ARHGAP35: variants seen among roughly 807,000 people sequenced by gnomAD.
The protein encoded by ARHGAP35 is rho GTPase-activating protein 35.
In ARHGAP35, 15 loss-of-function variants were observed where a neutral mutation model predicts 111.1. The observed-to-expected ratio is 0.13, with a 90% CI of 0.09 to 0.21. The LOEUF (loss-of-function observed/expected upper bound fraction) is 0.21. ARHGAP35 is among the 10% of genes least tolerant of loss of function. The pLI is 1.00. For missense variants in ARHGAP35, 1,262 were observed against 1,873.0 expected (o/e 0.67, Z 6.02); for synonymous variants, 643 against 710.3 (o/e 0.91, Z 1.51).
chr19:46,882,477 TTTTA>T (rs1034754887), intron 1 of ARHGAP35, among the ~76,000 whole-genome samples: 6 of 152,092 alleles, frequency 3.9e-5, no homozygotes, highest in African/African-American at 1.2e-4. Context: ...TTTCACTTTA[TTTTA>T]TTTATTTATT....
chr19:46,942,188 C>T (rs1219318278), intron 3 of ARHGAP35, among the ~76,000 whole-genome samples: 5 of 152,152 alleles, frequency 3.3e-5, no homozygotes, highest in African/African-American at 7.2e-5. Context: ...CTCAAAGATT[C>T]GTGATCTGCT....
In ARHGAP35 at chr19:46,955,998, C is replaced by G. The variant is rs532956753; in HGVS notation, c.3826+18590C>G. ...CACCAACATGATTCCCCACCTGACC[C>G]CATGTGGTCACAGTCAAAACTTTGT... On this transcript the variant is annotated intron_variant, in intron 3 of 6. Coordinates refer to ENST00000672722, the MANE Select transcript of ARHGAP35 (RefSeq NM_004491.5). 2.0e-5 allele frequency among the ~76,000 whole-genome samples: 3 copies of G among 152,304 alleles called. No individual in the cohort carries two copies. In the East Asian group the frequency reaches 5.8e-4, roughly 29 times the overall value.
intron 1 of ARHGAP35, among the ~76,000 whole-genome samples, chr19:46,868,513 C>T (rs868067844): frequency 5.3e-5 from 8 of 152,148 alleles, no homozygotes; most frequent in African/African-American, 9.7e-5. Context: ...GGTTCCATAT[C>T]ACAGTATTTT....
At position 46,921,572 on chromosome 19, in the gene ARHGAP35, A is replaced by G; in HGVS notation, c.2897A>G (p.Glu966Gly). 3 of 1,613,950 alleles carry G rather than the reference A, an allele frequency of 1.9e-6. No homozygotes were observed. The highest frequency in any genetic ancestry group is 2.5e-6 in the Non-Finnish European group (3 of 1,179,874). The change falls in exon 2 of 7, where the codon GAG (glutamate) becomes GGG (glycine). Residue 966 changes from glutamate to glycine, a missense_variant. Around this residue, in one of 8 missense-constraint regions of ARHGAP35, gnomAD observed 579 missense variants for 716.9 expected, o/e 0.81. Coordinates refer to ENST00000672722, the MANE Select transcript of ARHGAP35 (RefSeq NM_004491.5). The surrounding 1 kb of genome is among the most constrained non-coding windows in gnomAD (Gnocchi z 4.3). ...NAAEACSTTEEVFNSPRAGSP... is the reference protein window; with the variant it reads ...NAAEACSTTEGVFNSPRAGSP... ...GCCGAGGCCTGTAGCACCACCGAAG[A>G]GGTGTTTAACTCCCCCCGGGCAGGA...
intron 1 of ARHGAP35, among the ~76,000 whole-genome samples, chr19:46,886,584 A>G (rs2055994357): frequency 6.6e-6 from 1 of 152,118 alleles, no homozygotes; most frequent in Non-Finnish European, 1.5e-5. Flanking sequence ...TTTTATTATC[A>G]TTACAGTGAT....
In ARHGAP35 at chr19:46,937,299, G is replaced by T; in HGVS notation, c.3717G>T (p.Lys1239Asn). The change falls in exon 3 of 7, where the codon AAG (lysine) becomes AAT (asparagine). Residue 1239 changes from lysine (K) to asparagine (N), a missense_variant. Coordinates refer to ENST00000672722, the MANE Select transcript of ARHGAP35 (RefSeq NM_004491.5). Reference sequence around the variant, plus strand: ...CCAAACCCCGGCCATCCATCACAAAGGCAACCTGGGAGAGTAACTATTTTG... The same window carrying T: ...CCAAACCCCGGCCATCCATCACAAATGCAACCTGGGAGAGTAACTATTTTG... ...PKPKPRPSITKATWESNYFGV... is the reference protein window; with the variant it reads ...PKPKPRPSITNATWESNYFGV... 3 of 1,613,864 alleles carry T rather than the reference G, an allele frequency of 1.9e-6. No homozygotes were observed. Among genetic ancestry groups the T allele is most frequent in the Non-Finnish European group, 2.5e-6 (3 of 1,179,812 alleles).
chr19:46,894,549 G>A lies in ARHGAP35; in HGVS notation c.-188-23939G>A, dbSNP rs191360009. ...TAACCTCTGCCTCCTGGGTTCAAGC[G>A]ATTCTCCTGCCTCAGCCTCTCGAGT... On this transcript the variant is annotated intron_variant, in intron 1 of 6. Transcript: ENST00000672722. Among the ~76,000 whole-genome samples, 14 of 149,658 alleles carry A rather than the reference G, an allele frequency of 9.4e-5. No individual in the cohort carries two copies. The East Asian group carries it at 2.4e-3, about 26-fold the overall frequency.
intron 3 of ARHGAP35, among the ~76,000 whole-genome samples, chr19:46,943,791 G>A (rs182652878): frequency 9.9e-5 from 15 of 152,270 alleles, no homozygotes; most frequent in Admixed American, 8.5e-4. Flanking sequence ...GAGCTTGGGA[G>A]TTTGCACTGC....
At chr19:46,998,605 G>T (rs188376973) in intron 5 of ARHGAP35, among the ~76,000 whole-genome samples, 2 of 152,358 alleles carry the variant, frequency 1.3e-5, no homozygotes, top group Admixed American at 1.3e-4. Context: ...GGGGTGACGA[G>T]TTCCTGCCTC....
chr19:46,907,375 C>T (rs1299255559), intron 1 of ARHGAP35, among the ~76,000 whole-genome samples: 3 of 152,094 alleles, frequency 2.0e-5, no homozygotes, highest in Non-Finnish European at 2.9e-5. Flanking sequence ...TGGTCTCGAT[C>T]TCCTGACCTC....
chr19:46,947,293 C>T (rs1353068138), intron 3 of ARHGAP35: 1 of 152,096 alleles, frequency 6.6e-6, no homozygotes, highest in East Asian at 1.9e-4. Flanking sequence ...TAGATATAAT[C>T]ACATGAATGC....
rs1260130343 is a variant in ARHGAP35, at chr19:46,922,812, G to A, written c.3681+456G>A. ...GGTTGCTGCATTTGAGATTGGTGAA[G>A]GATTGGATGATGATTTGCACACACA... On this transcript the variant is annotated intron_variant, in intron 2 of 6. Coordinates refer to ENST00000672722, the MANE Select transcript of ARHGAP35 (RefSeq NM_004491.5). The surrounding 1 kb of genome is among the most constrained non-coding windows in gnomAD (Gnocchi z 4.0). 1.3e-5 allele frequency among the ~76,000 whole-genome samples: 2 copies of A among 152,172 alleles called. No individual in the cohort carries two copies. Among genetic ancestry groups the A allele is most frequent in the Non-Finnish European group, 2.9e-5 (2 of 68,038 alleles).
chr19:46,974,241 T>C (rs768387192), intron 3 of ARHGAP35, among the ~76,000 whole-genome samples: 23 of 152,344 alleles, frequency 1.5e-4, no homozygotes, highest in Admixed American at 1.3e-4. Context: ...ATTCTGACAC[T>C]AACTCCCAAA....
chr19:46,903,344 C>T (rs139441675), intron 1 of ARHGAP35, among the ~76,000 whole-genome samples: 18 of 152,040 alleles, frequency 1.2e-4, no homozygotes, highest in African/African-American at 4.3e-4. Context: ...TGGTGATGTA[C>T]GTTGTTGTGC....
At chr19:46,963,826 A>G (rs2056498289) in intron 3 of ARHGAP35, among the ~76,000 whole-genome samples, 2 of 152,176 alleles carry the variant, frequency 1.3e-5, no homozygotes, top group Admixed American at 1.3e-4. Context: ...AGCAGATGCC[A>G]TGCTGTATCA....
At chr19:46,876,293 A>G (rs2055920560) in intron 1 of ARHGAP35, among the ~76,000 whole-genome samples, 1 of 151,622 alleles carries the variant, frequency 6.6e-6, no homozygotes. Flanking sequence ...CTTACCTCAC[A>G]GGCTCAATCA....
At chr19:46,953,731 C>T (rs2056424552) in intron 3 of ARHGAP35, among the ~76,000 whole-genome samples, 2 of 152,158 alleles carry the variant, frequency 1.3e-5, no homozygotes, top group Admixed American at 1.3e-4. Flanking sequence ...GTAGCACACT[C>T]CAGTGTGGGG....
intron 3 of ARHGAP35, among the ~76,000 whole-genome samples, chr19:46,956,898 A>C (rs1322022176): frequency 6.6e-6 from 1 of 151,428 alleles, no homozygotes; most frequent in Non-Finnish European, 1.5e-5. Flanking sequence ...CATTTGAGGC[A>C]TATGTATAGC....
At position 47,001,472 on chromosome 19, in the gene ARHGAP35, C is replaced by A; in HGVS notation, c.*784C>A. 8.6e-7 allele frequency: 1 copy of A among 1,158,750 alleles called. No homozygotes were observed. Among genetic ancestry groups the A allele is most frequent in the Non-Finnish European group, 1.1e-6 (1 of 874,468 alleles). The allele number at this position is 1,158,750 out of a possible 1,614,324, so 71.8% of individuals were successfully genotyped here. On this transcript the variant is annotated 3_prime_UTR_variant, in exon 7 of 7. Coordinates refer to ENST00000672722, the MANE Select transcript of ARHGAP35 (RefSeq NM_004491.5). The surrounding 1 kb of genome is among the most constrained non-coding windows in gnomAD (Gnocchi z 5.4). ...GATTCCACTCTGTGCCCGCCTCTGC[C>A]GGGAGGGAGGGAGGCACACAGGTGG... is the stretch of plus-strand genomic sequence containing the variant.
Sources: allele counts gnomAD v4.1 joint callset (sites outside exome capture counted in the v4.1 genomes callset), GRCh38; gene constraint gnomAD v4.1.1; regional missense constraint gnomAD v4.1.1; non-coding constraint Gnocchi (gnomAD v3.1); transcripts MANE v1.5; gene names NCBI Gene and HGNC (gene_info 2026-07-23, HGNC 2026-07-21).